The following SPAG11B variants were observed in gnomAD, a reference collection of about 807,000 sequenced individuals.
SPAG11B encodes the protein sperm-associated antigen 11B.
SPAG11B carries 5 observed loss-of-function variants against 8.9 expected under a neutral mutation model. The ratio of observed to expected loss-of-function variants is 0.56; its 90% confidence interval spans 0.29 to 1.19. The LOEUF is 1.19. Among genes scored for constraint, SPAG11B ranks in the 50% most tolerant of loss-of-function variants. The pLI is 0.08. For synonymous variants in SPAG11B, 12 were observed against 53.0 expected (o/e 0.23, Z 3.36); for missense variants, 38 against 146.4 (o/e 0.26, Z 3.82).
chr8:7,453,433 C>CT (rs1348340820), intron 2 of SPAG11B, among the ~76,000 whole-genome samples: 1 of 148,774 alleles, frequency 6.7e-6, no homozygotes, highest in East Asian at 1.9e-4. Flanking sequence ...CTTATTAATC[C>CT]TTCCAGAGGT....
intron 2 of SPAG11B, among the ~76,000 whole-genome samples, chr8:7,462,353 AAAGCT>A (rs1810707306): frequency 6.7e-6 from 1 of 148,742 alleles, no homozygotes; most frequent in East Asian, 2.0e-4. Flanking sequence ...AACGACCTCC[AAAGCT>A]AAGGGCATGG....
chr8:7,458,943 A>G (rs1810610641), intron 2 of SPAG11B, among the ~76,000 whole-genome samples: 2 of 91,020 alleles, frequency 2.2e-5, no homozygotes, highest in Non-Finnish European at 4.0e-5. Context: ...TCACGCCTGT[A>G]ATTCCAGCAC....
At chr8:7,458,723 A>G (rs1810599226) in intron 2 of SPAG11B, among the ~76,000 whole-genome samples, 1 of 128,768 alleles carries the variant, frequency 7.8e-6, no homozygotes, top group Non-Finnish European at 1.6e-5. Flanking sequence ...AAAAATAAAT[A>G]TCTGCAAAGT....
At chr8:7,457,525 A>G (rs1165652735) in intron 2 of SPAG11B, among the ~76,000 whole-genome samples, 1 of 78,746 alleles carries the variant, frequency 1.3e-5, no homozygotes, top group Non-Finnish European at 2.4e-5. Flanking sequence ...TCACTGTGTT[A>G]TATTTATTAT....
downstream of SPAG11B, among the ~76,000 whole-genome samples, chr8:7,449,889 A>G (rs1281610504): frequency 8.8e-5 from 12 of 137,066 alleles, no homozygotes; most frequent in Non-Finnish European, 1.6e-4. Context: ...ATTATTTTTT[A>G]AATTCCTTAC....
intron 2 of SPAG11B, among the ~76,000 whole-genome samples, chr8:7,453,275 A>T (rs1317321362): frequency 1.4e-5 from 2 of 143,652 alleles, no homozygotes; most frequent in Non-Finnish European, 3.0e-5. Flanking sequence ...CACACAGTGG[A>T]TAAATCTGCA....
At chr8:7,450,599 C>T, downstream of SPAG11B, 2 of 1,470,076 alleles carry the variant, frequency 1.4e-6, no homozygotes, top group South Asian at 1.4e-5. Flanking sequence ...ATCAGCTCTT[C>T]ACCTTTGGTG....
downstream of SPAG11B, chr8:7,447,908 T>G (rs1215052460): frequency 5.8e-5 from 56 of 967,756 alleles, 12 homozygotes; most frequent in Middle Eastern, 5.8e-4. Flanking sequence ...CTCCTGCTCT[T>G]CGGCTGCAGA....
chr8:7,453,701 T>C (rs1392980466), intron 2 of SPAG11B, among the ~76,000 whole-genome samples: 1 of 149,516 alleles, frequency 6.7e-6, no homozygotes, highest in African/African-American at 2.5e-5. Context: ...GGTCTTGGAC[T>C]TTCTGCATGG....
At chr8:7,459,500 T>C (rs1810648707) in intron 2 of SPAG11B, among the ~76,000 whole-genome samples, 1 of 148,302 alleles carries the variant, frequency 6.7e-6, no homozygotes, top group African/African-American at 2.5e-5. Flanking sequence ...GAGAAAATAT[T>C]CATGTGAAAA....
intron 2 of SPAG11B, among the ~76,000 whole-genome samples, chr8:7,453,609 G>T (rs1220227096): frequency 1.3e-4 from 19 of 150,336 alleles, no homozygotes. Flanking sequence ...TGTCTTCTGC[G>T]TTATTTAACC....
At chr8:7,459,267 T>C in intron 2 of SPAG11B, among the ~76,000 whole-genome samples, 1 of 86,006 alleles carries the variant, frequency 1.2e-5, no homozygotes, top group Non-Finnish European at 2.3e-5. Flanking sequence ...GTAAAACTAT[T>C]AAATTTTACA....
chr8:7,457,916 C>A (rs201180638), intron 2 of SPAG11B, among the ~76,000 whole-genome samples: 114 of 152,146 alleles, frequency 7.5e-4, no homozygotes, highest in Non-Finnish European at 1.3e-3. Flanking sequence ...TACCTAGTTT[C>A]TTTCCTATGC....
chr8:7,451,148 T>C lies in SPAG11B; in HGVS notation c.215-248A>G, dbSNP rs2738035. The C allele has an allele frequency of 4.4e-5, 69 of 1,557,912 alleles. 8 individuals carry two copies. The highest frequency in any genetic ancestry group is 2.6e-4 in the African/African-American group (18 of 68,082). ...CCTGGCCCATCTAGGCCCTAAAAAG[T>C]CCACACAGATCCTAAATGAGGGTCC... On this transcript the variant is annotated intron_variant, in intron 2 of 2. Transcript: ENST00000398462.
intron 2 of SPAG11B, among the ~76,000 whole-genome samples, chr8:7,455,981 CT>C (rs1810453207): frequency 7.6e-6 from 1 of 132,178 alleles, no homozygotes; most frequent in African/African-American, 3.0e-5. Context: ...TTTCTCCCCA[CT>C]TTTTTATCCT....
intron 2 of SPAG11B, among the ~76,000 whole-genome samples, chr8:7,452,977 C>T (rs1425679241): frequency 4.1e-5 from 6 of 147,672 alleles, no homozygotes; most frequent in South Asian, 2.1e-4. Context: ...ACAGAGACAA[C>T]GTACCACATT....
chr8:7,448,803 C>CCTTCCCTTCCCTTCCCTTCA (rs1809961340), downstream of SPAG11B, among the ~76,000 whole-genome samples: 1 of 134,428 alleles, frequency 7.4e-6, no homozygotes, highest in Non-Finnish European at 1.6e-5. Context: ...CCTTCCCTTC[C>CCTTCCCTTCCCTTCCCTTCA]CTTCCATGTT....
downstream of SPAG11B, among the ~76,000 whole-genome samples, chr8:7,450,022 A>G (rs1183773171): frequency 1.6e-5 from 2 of 125,332 alleles, no homozygotes; most frequent in African/African-American, 3.3e-5. Flanking sequence ...CCTTGCTCCA[A>G]TTGCACAGAA....
downstream of SPAG11B, chr8:7,447,909 C>T (rs1585497701): frequency 4.1e-6 from 4 of 969,968 alleles, no homozygotes; most frequent in Non-Finnish European, 5.7e-6. Context: ...TCCTGCTCTT[C>T]GGCTGCAGAG....
Sources: gnomAD v4.1 joint callset for allele counts (sites outside exome capture counted in the v4.1 genomes callset) on GRCh38, gnomAD v4.1.1 for gene constraint, MANE v1.5 for transcripts, NCBI Gene and HGNC (gene_info 2026-07-23, HGNC 2026-07-21) for gene names.